The following LSAMP variants were observed in gnomAD, a reference collection of about 807,000 sequenced individuals.
LSAMP encodes the protein limbic system associated membrane protein, also known as limbic system-associated membrane protein.
Under a neutral mutation model 38.6 loss-of-function variants are expected in LSAMP, and 7 were observed. The observed-to-expected ratio is 0.18, with a 90% CI of 0.10 to 0.34. The LOEUF is 0.34. Ranked by LOEUF, LSAMP falls within the 10% of genes least tolerant of loss-of-function variation. The probability of loss-of-function intolerance (pLI) is 1.00; values close to 1 mark genes in which losing one functional copy is unlikely to be tolerated. For synonymous variants in LSAMP, 154 were observed against 166.8 expected, an observed-to-expected ratio of 0.92 and a Z score of 0.59; for missense variants, 313 against 420.0, an observed-to-expected ratio of 0.75 and a Z score of 2.23.
At chr3:115,822,810 T>C (rs1206012367) in intron 6 of LSAMP, among the ~76,000 whole-genome samples, 3 of 152,220 alleles carry the variant, frequency 2.0e-5, no homozygotes, top group South Asian at 4.1e-4. Flanking sequence ...CAGCAAGGAA[T>C]GCTACACTTT....
At chr3:116,216,262 C>T (rs2046217510) in intron 1 of LSAMP, among the ~76,000 whole-genome samples, 2 of 152,096 alleles carry the variant, frequency 1.3e-5, no homozygotes, top group Admixed American at 6.5e-5. Flanking sequence ...CCCTCATCTC[C>T]CATGACTTCC....
intron 1 of LSAMP, among the ~76,000 whole-genome samples, chr3:116,377,939 C>T (rs905440941): frequency 7.2e-5 from 11 of 151,992 alleles, no homozygotes; most frequent in Admixed American, 6.6e-4. Flanking sequence ...TTAGCATACT[C>T]CTCTGATAAT....
chr3:116,257,229 G>A (rs1243042325), intron 1 of LSAMP, among the ~76,000 whole-genome samples: 1 of 152,154 alleles, frequency 6.6e-6, no homozygotes, highest in Non-Finnish European at 1.5e-5. Flanking sequence ...TAATGTAATT[G>A]GTAACACATT....
intron 1 of LSAMP, among the ~76,000 whole-genome samples, chr3:116,098,422 C>T (rs1708272447): frequency 6.6e-6 from 1 of 152,092 alleles, no homozygotes; most frequent in Non-Finnish European, 1.5e-5. Flanking sequence ...TCACTTGAAC[C>T]CAGGAGGCTG....
intron 1 of LSAMP, among the ~76,000 whole-genome samples, chr3:116,392,840 C>T (rs554636822): frequency 4.6e-5 from 7 of 152,210 alleles, no homozygotes; most frequent in South Asian, 4.1e-4. Flanking sequence ...GGGGAGATGA[C>T]GGGATGACAA....
At chr3:116,152,333 A>C (rs1286510591) in intron 1 of LSAMP, among the ~76,000 whole-genome samples, 1 of 152,142 alleles carries the variant, frequency 6.6e-6, no homozygotes, top group African/African-American at 2.4e-5. Flanking sequence ...ATTTATCTGC[A>C]ATCGGTACCC....
At chr3:115,867,788 G>C (rs925532459) in intron 3 of LSAMP, among the ~76,000 whole-genome samples, 1 of 152,160 alleles carries the variant, frequency 6.6e-6, no homozygotes, top group Non-Finnish European at 1.5e-5. Context: ...TGAGTCTAAA[G>C]TCTATTTGCT....
chr3:116,371,930 T>C (rs1405984291), intron 1 of LSAMP, among the ~76,000 whole-genome samples: 1 of 152,012 alleles, frequency 6.6e-6, no homozygotes, highest in Non-Finnish European at 1.5e-5. Context: ...ATTCAATTTA[T>C]GAAAGCATCA....
intron 1 of LSAMP, among the ~76,000 whole-genome samples, chr3:116,386,045 C>T (rs1174182159): frequency 6.6e-6 from 1 of 152,050 alleles, no homozygotes; most frequent in Non-Finnish European, 1.5e-5. Flanking sequence ...TTGGGAAATT[C>T]TTACTATTAT....
chr3:116,057,201 A>G (rs1367513942), intron 2 of LSAMP, among the ~76,000 whole-genome samples: 2 of 152,188 alleles, frequency 1.3e-5, no homozygotes, highest in Non-Finnish European at 2.9e-5. Flanking sequence ...GCTTAGTGGC[A>G]CATTTACCAA....
At chr3:116,354,652 G>A (rs1281600205) in intron 1 of LSAMP, among the ~76,000 whole-genome samples, 1 of 152,176 alleles carries the variant, frequency 6.6e-6, no homozygotes, top group Non-Finnish European at 1.5e-5. Flanking sequence ...ATGGTAGGTT[G>A]CCTTATAATC....
intron 1 of LSAMP, among the ~76,000 whole-genome samples, chr3:116,332,611 T>C (rs566690684): frequency 1.8e-4 from 28 of 152,218 alleles, no homozygotes; most frequent in African/African-American, 6.3e-4. Context: ...AGGAAGTAAG[T>C]AGCAAAAAGA....
At chr3:116,018,513 A>C (rs1007715460) in intron 3 of LSAMP, among the ~76,000 whole-genome samples, 2 of 152,204 alleles carry the variant, frequency 1.3e-5, no homozygotes, top group Non-Finnish European at 2.9e-5. Flanking sequence ...TTAAGTGACT[A>C]TAAGATATAA....
At chr3:116,348,968 T>G (rs2048100495) in intron 1 of LSAMP, among the ~76,000 whole-genome samples, 1 of 152,152 alleles carries the variant, frequency 6.6e-6, no homozygotes, top group Non-Finnish European at 1.5e-5. Context: ...AAGCAGTATC[T>G]TGGTTCAGAC....
intron 3 of LSAMP, among the ~76,000 whole-genome samples, chr3:115,926,098 T>C (rs2107530796): frequency 6.6e-6 from 1 of 152,146 alleles, no homozygotes; most frequent in East Asian, 1.9e-4. Flanking sequence ...ATGTGAGATG[T>C]ATGAAGAAGT....
intron 1 of LSAMP, among the ~76,000 whole-genome samples, chr3:116,323,003 T>C (rs182866300): frequency 6.6e-6 from 1 of 152,254 alleles, no homozygotes; most frequent in African/African-American, 2.4e-5. Context: ...AAAGTGCCAA[T>C]GAAAACTGGC....
At chr3:116,211,839 C>G (rs1258651934) in intron 1 of LSAMP, among the ~76,000 whole-genome samples, 1 of 152,132 alleles carries the variant, frequency 6.6e-6, no homozygotes, top group African/African-American at 2.4e-5. Context: ...GTGGATGATG[C>G]CATCTTCCAG....
intron 1 of LSAMP, among the ~76,000 whole-genome samples, chr3:116,268,846 A>G (rs965411346): frequency 2.6e-5 from 4 of 152,046 alleles, no homozygotes; most frequent in African/African-American, 9.7e-5. Flanking sequence ...AGGGATTTTC[A>G]TGGAGAATAG....
intron 1 of LSAMP, among the ~76,000 whole-genome samples, chr3:116,258,710 C>G (rs949008105): frequency 6.6e-6 from 1 of 151,924 alleles, no homozygotes; most frequent in African/African-American, 2.4e-5. Context: ...ATGTGTTTGC[C>G]CTGCTTCCTG....
Sources: allele counts gnomAD v4.1 joint callset (sites outside exome capture counted in the v4.1 genomes callset), GRCh38; gene constraint gnomAD v4.1.1; transcripts MANE v1.5; gene names NCBI Gene and HGNC (gene_info 2026-07-23, HGNC 2026-07-21).